Variants in TMEM260 observed in about 807,000 individuals in gnomAD.
TMEM260 encodes protein O-mannosyl-transferase TMEM260.
Under a neutral mutation model 88.9 loss-of-function variants are expected in TMEM260, and 82 were observed. That is an observed-to-expected ratio of 0.92 (90% CI 0.77 to 1.11). The LOEUF (loss-of-function observed/expected upper bound fraction) is 1.11, where lower values mean the gene tolerates loss of function less well. Among genes scored for constraint, TMEM260 ranks in the 50% least tolerant of loss-of-function variants. The probability of loss-of-function intolerance (pLI) is 0.00; values close to 1 mark genes in which losing one functional copy is unlikely to be tolerated. For synonymous variants in TMEM260, 314 were observed against 309.3 expected (o/e 1.02, Z -0.16); for missense variants, 902 against 853.4 (o/e 1.06, Z -0.71).
intron 3 of TMEM260, among the ~76,000 whole-genome samples, chr14:56,592,064 T>TA (rs565866979): frequency 6.6e-6 from 1 of 152,326 alleles, no homozygotes; most frequent in South Asian, 2.1e-4. Context: ...GAATAATACT[T>TA]TATACTTTCC....
upstream of TMEM260, chr14:56,579,775 TGCGGTCCAACCCGCGGAG>T: frequency 1.3e-6 from 1 of 744,172 alleles, no homozygotes; most frequent in Non-Finnish European, 1.8e-6. Flanking sequence ...CGGAGAAAGG[TGCGGTCCAACCCGCGGAG>T]GCTCGACCCG....
chr14:56,596,149 A>T (rs1453485265), intron 3 of TMEM260, among the ~76,000 whole-genome samples: 2 of 152,004 alleles, frequency 1.3e-5, no homozygotes, highest in African/African-American at 4.8e-5. Context: ...TTTTGTCTTA[A>T]TTTTTTGCAG....
the TMEM260 span, among the ~76,000 whole-genome samples, chr14:56,658,448 T>C: frequency 6.6e-6 from 1 of 151,848 alleles, no homozygotes; most frequent in Admixed American, 6.6e-5. Context: ...GGTTTCACCA[T>C]GTTAGCCAGG....
chr14:56,614,722 C>G (rs1282925579), intron 7 of TMEM260, among the ~76,000 whole-genome samples: 1 of 147,778 alleles, frequency 6.8e-6, no homozygotes, highest in Non-Finnish European at 1.5e-5. Context: ...CTCACACCCA[C>G]ACTTCTGTGT....
chr14:56,635,598 T>C (rs893468799), intron 14 of TMEM260, among the ~76,000 whole-genome samples: 2 of 152,214 alleles, frequency 1.3e-5, no homozygotes, highest in African/African-American at 4.8e-5. Context: ...GTTCCTGTCA[T>C]TGTTTTGTTT....
At chr14:56,635,844 A>T (rs1466290529) in intron 14 of TMEM260, among the ~76,000 whole-genome samples, 1 of 150,822 alleles carries the variant, frequency 6.6e-6, no homozygotes, top group Non-Finnish European at 1.5e-5. Context: ...AATGATTGCA[A>T]ATATATATAT....
intron 12 of TMEM260, among the ~76,000 whole-genome samples, chr14:56,627,120 TTATAA>T (rs1888289723): frequency 6.6e-6 from 1 of 152,170 alleles, no homozygotes; most frequent in South Asian, 2.1e-4. Flanking sequence ...ACTTTTGCTC[TTATAA>T]TATACAATTA....
chr14:56,589,464 C>T (rs1435394817), intron 3 of TMEM260, among the ~76,000 whole-genome samples: 1 of 152,042 alleles, frequency 6.6e-6, no homozygotes, highest in East Asian at 1.9e-4. Context: ...TACAAAGTTA[C>T]TATTAAATAG....
At chr14:56,601,583 T>G (rs1886578645) in intron 3 of TMEM260, among the ~76,000 whole-genome samples, 1 of 152,120 alleles carries the variant, frequency 6.6e-6, no homozygotes, top group Admixed American at 6.6e-5. Flanking sequence ...TTTTACCCAC[T>G]AGTTTTGGTA....
intron 6 of TMEM260, among the ~76,000 whole-genome samples, chr14:56,610,131 A>T (rs145547073): frequency 1.3e-5 from 2 of 152,324 alleles, no homozygotes; most frequent in Admixed American, 6.5e-5. Flanking sequence ...AATTCAAGGT[A>T]GTAGTTACTA....
chr14:56,642,013 C>T (rs1006419787), intron 15 of TMEM260, among the ~76,000 whole-genome samples: 1 of 152,154 alleles, frequency 6.6e-6, no homozygotes, highest in Non-Finnish European at 1.5e-5. Context: ...TAAAGCAAGT[C>T]CTTAGTGACC....
chr14:56,611,621 G>A (rs1472471941), intron 6 of TMEM260, among the ~76,000 whole-genome samples: 1 of 152,158 alleles, frequency 6.6e-6, no homozygotes, highest in Non-Finnish European at 1.5e-5. Flanking sequence ...ATTGTGGAAA[G>A]CAATGTGGCG....
chr14:56,614,445 G>T (rs1212357754), intron 7 of TMEM260, among the ~76,000 whole-genome samples: 4 of 152,082 alleles, frequency 2.6e-5, no homozygotes, highest in Non-Finnish European at 5.9e-5. Flanking sequence ...ATTTTATTCT[G>T]CTTTGCTCCA....
At chr14:56,608,827 T>C (rs1200895908) in intron 5 of TMEM260, among the ~76,000 whole-genome samples, 2 of 152,204 alleles carry the variant, frequency 1.3e-5, no homozygotes, top group Non-Finnish European at 2.9e-5. Flanking sequence ...TGGTTTTAAA[T>C]GTAAGTGATG....
Position 56,579,836 on chromosome 14 carries a change from C to G in TMEM260, c.-79C>G. On this transcript the variant is annotated 5_prime_UTR_variant, in exon 1 of 16. Transcript: ENST00000261556. Reference sequence around the variant, plus strand: ...CCGTGGCCGCCGCACAAGCTGCGCTCGTCTCTCGGCTGGGGAGCTCCGTGT... The same window carrying G: ...CCGTGGCCGCCGCACAAGCTGCGCTGGTCTCTCGGCTGGGGAGCTCCGTGT... 1 of 1,204,854 alleles carries G rather than the reference C, an allele frequency of 8.3e-7. No individual in the cohort carries two copies. Among genetic ancestry groups the G allele is most frequent in the Non-Finnish European group, 1.0e-6 (1 of 963,734 alleles). The allele number at this position is 1,204,854 out of a possible 1,614,324, so 74.6% of individuals were successfully genotyped here. A position where few individuals can be genotyped will look rare whatever the true frequency, so the allele number is the denominator to read the frequency against.
chr14:56,632,889 A>G, intron 12 of TMEM260, 106 bp from the exon 13 acceptor site: 2 of 1,085,660 alleles, frequency 1.8e-6, no homozygotes, highest in East Asian at 2.6e-5. Context: ...CATATAGGTA[A>G]TAACTGTTGG....
At chr14:56,596,429 TACAC>T (rs754452722) in intron 3 of TMEM260, among the ~76,000 whole-genome samples, 5 of 139,450 alleles carry the variant, frequency 3.6e-5, no homozygotes, top group African/African-American at 1.4e-4. Context: ...TATATATACA[TACAC>T]ACACATATAC....
chr14:56,653,741 C>CAAAAAACAAAAAAACAA (rs57277000), downstream of TMEM260, among the ~76,000 whole-genome samples: 19 of 97,914 alleles, frequency 1.9e-4, no homozygotes, highest in Non-Finnish European at 2.7e-4. Context: ...GTCTCCAAAA[C>CAAAAAACAAAAAAACAA]AAAAAAAAAA....
intron 7 of TMEM260, among the ~76,000 whole-genome samples, chr14:56,615,283 G>A (rs759122162): frequency 3.9e-5 from 6 of 152,018 alleles, no homozygotes; most frequent in Non-Finnish European, 8.8e-5. Flanking sequence ...TTTAACAATT[G>A]GAGACAGCTA....
Sources: gnomAD v4.1 joint callset for allele counts (sites outside exome capture counted in the v4.1 genomes callset) on GRCh38, gnomAD v4.1.1 for gene constraint, MANE v1.5 for transcripts, NCBI Gene and HGNC (gene_info 2026-07-23, HGNC 2026-07-21) for gene names.